Variants in AGBL4 observed in about 807,000 individuals in gnomAD.
The protein encoded by AGBL4 is cytosolic carboxypeptidase 6.
Under a neutral mutation model 66.4 loss-of-function variants are expected in AGBL4, and 58 were observed. The ratio of observed to expected loss-of-function variants is 0.87; its 90% CI spans 0.71 to 1.09. AGBL4 has a LOEUF of 1.09. AGBL4 is among the 50% of genes least tolerant of loss of function. The probability of loss-of-function intolerance (pLI) is 0.00; values close to 1 mark genes in which losing one functional copy is unlikely to be tolerated. For synonymous variants in AGBL4, 234 were observed against 222.9 expected, an observed-to-expected ratio of 1.05 and a Z score of -0.44; for missense variants, 579 against 631.0, an observed-to-expected ratio of 0.92 and a Z score of 0.88.
chr1:49,210,589 T>A (rs955561974), intron 4 of AGBL4, among the ~76,000 whole-genome samples: 1 of 152,060 alleles, frequency 6.6e-6, no homozygotes, highest in Non-Finnish European at 1.5e-5. Flanking sequence ...GATAAAGATG[T>A]TTTAGAAAAT....
rs188884989 is a variant in AGBL4 at position 49,590,200 on chromosome 1, G to T, written c.282+107113C>A. 3.3e-5 allele frequency among the ~76,000 whole-genome samples: 5 copies of T among 151,988 alleles called. No individual in the cohort carries two copies. The East Asian group carries it at 9.7e-4, about 29-fold the overall frequency. ...GTTGACTACAGTAATATTTATAGTA[G>T]CAAAAATCTGGAAACCAGCTAAAAG... On this transcript the variant is annotated intron_variant, in intron 3 of 13. Coordinates refer to ENST00000371839, the MANE Select transcript of AGBL4 (RefSeq NM_032785.4).
chr1:49,243,965 G>C (rs997184862), intron 4 of AGBL4, among the ~76,000 whole-genome samples: 2 of 151,734 alleles, frequency 1.3e-5, no homozygotes, highest in African/African-American at 4.8e-5. Context: ...TTGCATAAGA[G>C]CACCAACTTA....
chr1:49,555,035 C>T (rs1269488213), intron 3 of AGBL4, among the ~76,000 whole-genome samples: 2 of 152,160 alleles, frequency 1.3e-5, no homozygotes, highest in African/African-American at 4.8e-5. Flanking sequence ...AAAGCTTCCA[C>T]AGGAAGAAGG....
At position 49,319,994 on chromosome 1, in the gene AGBL4, T is replaced by A. The variant is rs376124079; in HGVS notation, c.283-74130A>T. Among the ~76,000 whole-genome samples, 163 of 152,234 alleles carry A rather than the reference T, an allele frequency of 1.1e-3. 1 individual carries two copies. The highest frequency in any genetic ancestry group is 3.8e-3 in the African/African-American group (157 of 41,544). On this transcript the variant is annotated intron_variant, in intron 3 of 13. Coordinates refer to ENST00000371839, the MANE Select transcript of AGBL4 (RefSeq NM_032785.4). ...TCCAGGCTAGAGTACAGTGGTACCA[T>A]TACAGACGGTTCACTACAGCCTCAA...
intron 2 of AGBL4, among the ~76,000 whole-genome samples, chr1:49,705,105 G>C (rs1401107600): frequency 2.6e-5 from 4 of 152,060 alleles, no homozygotes. Context: ...ATTTCCTTGA[G>C]CAGTGGTTTG....
At chr1:49,326,882 G>A (rs887366923) in intron 3 of AGBL4, among the ~76,000 whole-genome samples, 1 of 152,192 alleles carries the variant, frequency 6.6e-6, no homozygotes, top group African/African-American at 2.4e-5. Context: ...TTGAAGGTAA[G>A]AAGTTCTAAA....
At chr1:49,596,568 T>C (rs551438299) in intron 3 of AGBL4, among the ~76,000 whole-genome samples, 1 of 152,218 alleles carries the variant, frequency 6.6e-6, no homozygotes, top group South Asian at 2.1e-4. Context: ...TCTAGAAATG[T>C]AGATGTATGT....
chr1:49,356,608 A>G (rs914083970), intron 3 of AGBL4, among the ~76,000 whole-genome samples: 4 of 152,222 alleles, frequency 2.6e-5, no homozygotes, highest in African/African-American at 9.6e-5. Flanking sequence ...TTCCATTTAC[A>G]TGGCAAATGT....
At chr1:49,275,080 TTTC>T (rs1379804344) in intron 3 of AGBL4, among the ~76,000 whole-genome samples, 3 of 152,222 alleles carry the variant, frequency 2.0e-5, no homozygotes, top group Non-Finnish European at 4.4e-5. Context: ...AAGAATCTGT[TTTC>T]TTTTGTCACA....
At chr1:49,882,934 A>G (rs942062656) in intron 1 of AGBL4, among the ~76,000 whole-genome samples, 4 of 152,158 alleles carry the variant, frequency 2.6e-5, no homozygotes, top group Non-Finnish European at 5.9e-5. Context: ...ATGTCCCACC[A>G]GACATTCAGG....
At chr1:49,672,493 C>T (rs971050756) in intron 3 of AGBL4, among the ~76,000 whole-genome samples, 1 of 149,700 alleles carries the variant, frequency 6.7e-6, no homozygotes, top group African/African-American at 2.5e-5. Context: ...AAACCTAAAA[C>T]AAAAATTAAA....
At chr1:49,875,312 C>T (rs1295519559) in intron 1 of AGBL4, among the ~76,000 whole-genome samples, 6 of 114,586 alleles carry the variant, frequency 5.2e-5, no homozygotes, top group Non-Finnish European at 7.1e-5. Flanking sequence ...CCCCCTCCCC[C>T]CTCCACACCA....
At chr1:49,350,997 TCA>T (rs1356398834) in intron 3 of AGBL4, among the ~76,000 whole-genome samples, 1 of 152,338 alleles carries the variant, frequency 6.6e-6, no homozygotes, top group East Asian at 1.9e-4. Flanking sequence ...CTTTGGGCAC[TCA>T]CAGTTTTTTG....
chr1:48,653,824 G>T (rs776764374), intron 7 of AGBL4, among the ~76,000 whole-genome samples: 1 of 152,142 alleles, frequency 6.6e-6, no homozygotes, highest in Non-Finnish European at 1.5e-5. Context: ...TAAACTAAGA[G>T]ATGCTTTCTA....
intron 3 of AGBL4, among the ~76,000 whole-genome samples, chr1:49,490,877 G>A (rs1184046759): frequency 2.0e-5 from 3 of 151,616 alleles, no homozygotes; most frequent in African/African-American, 4.8e-5. Context: ...AAATATGAAA[G>A]GGGTTTTAAG....
At chr1:49,288,082 G>A (rs1246278584) in intron 3 of AGBL4, among the ~76,000 whole-genome samples, 2 of 141,204 alleles carry the variant, frequency 1.4e-5, no homozygotes, top group African/African-American at 5.3e-5. Flanking sequence ...GATGAAATTG[G>A]AAAACATCAT....
chr1:49,693,469 T>C (rs1022933779), intron 3 of AGBL4, among the ~76,000 whole-genome samples: 4 of 152,122 alleles, frequency 2.6e-5, no homozygotes, highest in Admixed American at 2.0e-4. Context: ...TTAGGTTCTT[T>C]AGAAGCAAAA....
At chr1:48,914,935 C>T (rs988469529) in intron 5 of AGBL4, among the ~76,000 whole-genome samples, 2 of 152,158 alleles carry the variant, frequency 1.3e-5, no homozygotes, top group African/African-American at 4.8e-5. Context: ...CAATCACCTG[C>T]AAAGATTTAA....
chr1:48,612,101 C>A (rs551762847), intron 9 of AGBL4, among the ~76,000 whole-genome samples: 1 of 152,330 alleles, frequency 6.6e-6, no homozygotes, highest in East Asian at 1.9e-4. Flanking sequence ...ACTGCCAGTG[C>A]GGCCAGGGGC....
Sources: gnomAD v4.1 joint callset for allele counts (sites outside exome capture counted in the v4.1 genomes callset) on GRCh38, gnomAD v4.1.1 for gene constraint, MANE v1.5 for transcripts, NCBI Gene and HGNC (gene_info 2026-07-23, HGNC 2026-07-21) for gene names.